The following CACNA1E variants were observed in gnomAD, a reference collection of about 807,000 sequenced individuals.
The protein encoded by CACNA1E is calcium voltage-gated channel subunit alpha1 E.
In CACNA1E, 40 loss-of-function variants were observed where a neutral mutation model predicts 259.2. That is an observed-to-expected ratio of 0.15 (90% CI 0.12 to 0.20). The LOEUF is 0.20. Among genes scored for constraint, CACNA1E ranks in the 10% least tolerant of loss-of-function variants. The probability of loss-of-function intolerance (pLI) is 1.00; values close to 1 mark genes in which losing one functional copy is unlikely to be tolerated. For synonymous variants in CACNA1E, 1,104 were observed against 1,138.5 expected, an observed-to-expected ratio of 0.97 and a Z score of 0.61; for missense variants, 1,874 against 3,040.1, an observed-to-expected ratio of 0.62 and a Z score of 9.02.
intron 6 of CACNA1E, among the ~76,000 whole-genome samples, chr1:181,648,248 AC>A (rs1373169442): frequency 1.3e-5 from 2 of 152,180 alleles, no homozygotes; most frequent in African/African-American, 2.4e-5. Context: ...TGCATGCCAA[AC>A]CCTTTGTTAG....
At chr1:181,575,942 A>G (rs889590275) in intron 3 of CACNA1E, among the ~76,000 whole-genome samples, 8 of 151,454 alleles carry the variant, frequency 5.3e-5, no homozygotes, top group South Asian at 2.1e-4. Flanking sequence ...TTTCAGTTCT[A>G]TTTTCTATGT....
chr1:181,653,815 A>C (rs1197605837), intron 7 of CACNA1E, among the ~76,000 whole-genome samples: 1 of 152,266 alleles, frequency 6.6e-6, no homozygotes, highest in Non-Finnish European at 1.5e-5. Context: ...TTCCAAATAA[A>C]GTAACATTCA....
At chr1:181,638,717 T>TG (rs1657463463) in intron 6 of CACNA1E, among the ~76,000 whole-genome samples, 1 of 152,220 alleles carries the variant, frequency 6.6e-6, no homozygotes, top group Non-Finnish European at 1.5e-5. Context: ...GATTGACTCA[T>TG]GGGGGCAGTT....
intron 1 of CACNA1E, among the ~76,000 whole-genome samples, chr1:181,380,896 G>A (rs1051577727): frequency 6.6e-6 from 1 of 152,146 alleles, no homozygotes; most frequent in East Asian, 1.9e-4. Context: ...GGCTGGGCAC[G>A]GTGGCCCATG....
At chr1:181,416,530 A>G (rs990596243) in intron 2 of CACNA1E, among the ~76,000 whole-genome samples, 4 of 152,100 alleles carry the variant, frequency 2.6e-5, no homozygotes, top group South Asian at 4.1e-4. Flanking sequence ...TCTGGCACTC[A>G]TGTTTCATCA....
At chr1:181,369,677 C>A (rs1321284085) in intron 1 of CACNA1E, among the ~76,000 whole-genome samples, 1 of 152,162 alleles carries the variant, frequency 6.6e-6, no homozygotes, top group Non-Finnish European at 1.5e-5. Context: ...CACAGGAAGA[C>A]CAATGAGTCC....
intron 1 of CACNA1E, among the ~76,000 whole-genome samples, chr1:181,510,268 G>T (rs1032279346): frequency 1.3e-5 from 2 of 152,162 alleles, no homozygotes; most frequent in Non-Finnish European, 2.9e-5. Flanking sequence ...TGTGTTCAGA[G>T]ACCAGGCACA....
chr1:181,492,332 T>C (rs990065312), intron 1 of CACNA1E, among the ~76,000 whole-genome samples: 7 of 152,336 alleles, frequency 4.6e-5, no homozygotes, highest in Admixed American at 6.5e-5. Flanking sequence ...TGCACTTCAT[T>C]GTATTTTGAG....
At chr1:181,739,342 T>C (rs1326774411) in intron 25 of CACNA1E, 89 bp downstream of exon 25, 2 of 879,008 alleles carry the variant, frequency 2.3e-6, no homozygotes, top group African/African-American at 1.7e-5. Context: ...AAATGCAACA[T>C]GCAGGGTGAT....
intron 1 of CACNA1E, among the ~76,000 whole-genome samples, chr1:181,374,699 T>C (rs572412971): frequency 3.3e-4 from 50 of 152,192 alleles, no homozygotes; most frequent in African/African-American, 1.2e-3. Flanking sequence ...ACGCCTGAGC[T>C]CAAGTGATCC....
In CACNA1E at chr1:181,540,143, C is replaced by A. The variant is rs1481024039; in HGVS notation, c.512+28633C>A. Among the ~76,000 whole-genome samples, 4 of 152,106 alleles carry A rather than the reference C, an allele frequency of 2.6e-5. No homozygotes were observed. The East Asian group carries it at 7.7e-4, about 29-fold the overall frequency. On this transcript the variant is annotated intron_variant, in intron 3 of 47. Coordinates refer to ENST00000367573, the MANE Select transcript of CACNA1E (RefSeq NM_001205293.3). The stretch of plus-strand genomic sequence containing the variant: ...GGGAGATGGAGAACCTTCACAAAAT[C>A]CCCCGATGTAAACGCATTTCCTAGA...
chr1:181,569,496 A>T (rs1316321548), intron 3 of CACNA1E, among the ~76,000 whole-genome samples: 1 of 152,270 alleles, frequency 6.6e-6, no homozygotes, highest in Non-Finnish European at 1.5e-5. Context: ...TTTTTAAAAA[A>T]TAAAATGAAG....
At position 181,711,078 on chromosome 1, in the gene CACNA1E, G is replaced by T. The variant is rs765519405; in HGVS notation, c.1171+9G>T. On this transcript the variant is annotated intron_variant, in intron 8 of 47. Coordinates refer to ENST00000367573, the MANE Select transcript of CACNA1E (RefSeq NM_001205293.3). ...CTGGATAGACAAAGCAGGTAGGCCT[G>T]GGGGGCTGCAGGAGGCTGGTGAGTG... is the stretch of plus-strand genomic sequence containing the variant. 6.3e-7 allele frequency: 1 copy of T among 1,591,926 alleles called. No individual in the cohort carries two copies. The highest frequency in any genetic ancestry group is 1.7e-5 in the Admixed American group (1 of 60,004).
Position 181,645,849 on chromosome 1 carries a change from A to G in CACNA1E, c.952-5489A>G, listed in dbSNP as rs540863012. Among the ~76,000 whole-genome samples, 611 of 152,382 alleles carry G rather than the reference A, an allele frequency of 4.0e-3. 1 individual carries two copies. The highest frequency in any genetic ancestry group is 5.9e-3 in the Non-Finnish European group (404 of 68,036). On this transcript the variant is annotated intron_variant, in intron 6 of 47. Coordinates refer to ENST00000367573, the MANE Select transcript of CACNA1E (RefSeq NM_001205293.3). The stretch of plus-strand genomic sequence containing the variant: ...GGCCCATGAATGTGTTGAATAAAAA[A>G]TATGGCATTTCAGCTCCAAGACATG...
chr1:181,592,179 C>T (rs1488663936), intron 6 of CACNA1E, among the ~76,000 whole-genome samples: 1 of 152,200 alleles, frequency 6.6e-6, no homozygotes, highest in African/African-American at 2.4e-5. Flanking sequence ...GCACTCCTTC[C>T]CAGATTCTCC....
At chr1:181,345,277 G>A (rs1467267660) in intron 1 of CACNA1E, among the ~76,000 whole-genome samples, 2 of 152,262 alleles carry the variant, frequency 1.3e-5, no homozygotes, top group Non-Finnish European at 2.9e-5. Context: ...CTATTTGCTT[G>A]TAAAGCCTCC....
rs570790355 is a variant in CACNA1E, at chr1:181,738,232, G to A, written c.3553-135G>A. On this transcript the variant is annotated intron_variant, in intron 23 of 47. Transcript: ENST00000367573. Reference sequence around the variant, plus strand: ...GTCCAGCTAGTGGCTCTAATTCCAAGCCTTTGTTCTGAGGGTGCAGTGGGT... The same window carrying A: ...GTCCAGCTAGTGGCTCTAATTCCAAACCTTTGTTCTGAGGGTGCAGTGGGT... The A allele has an allele frequency of 5.5e-6, 4 of 729,880 alleles. No individual in the cohort carries two copies. The East Asian group carries it at 9.8e-5, about 18-fold the overall frequency. 45.2% of individuals were successfully genotyped at this position (729,880 alleles called of 1,614,324 possible).
Position 181,717,228 on chromosome 1 carries a change from G to T in CACNA1E, c.1451G>T (p.Ser484Ile). ...CAGGTGTTTTACTGGATTGTGCTGA[G>T]CCTTGTGGCACTCAACACTGCCTGT... Reference protein sequence around the residue: ...KSQVFYWIVLSLVALNTACVA... With the variant: ...KSQVFYWIVLILVALNTACVA... Residue 484 changes from serine (S) to isoleucine (I), a missense_variant, in exon 11 of 48, where the codon AGC becomes ATC. Physicochemically the swap from Ser to Ile is moderately radical, Grantham distance 142. This residue lies in a region of CACNA1E where 157 missense variants were observed against 203.5 expected (regional missense o/e 0.77). Transcript: ENST00000367573. 7 of 1,613,980 alleles carry T rather than the reference G, an allele frequency of 4.3e-6. No individual in the cohort carries two copies. Among genetic ancestry groups the T allele is most frequent in the Non-Finnish European group, 5.9e-6 (7 of 1,179,886 alleles).
chr1:181,331,880 C>G (rs1651297158), intron 1 of CACNA1E, among the ~76,000 whole-genome samples: 1 of 152,130 alleles, frequency 6.6e-6, no homozygotes, highest in Admixed American at 6.5e-5. Context: ...TGTCGAAGAT[C>G]AGATAATTAT....
Sources: allele counts gnomAD v4.1 joint callset (sites outside exome capture counted in the v4.1 genomes callset), GRCh38; gene constraint gnomAD v4.1.1; regional missense constraint gnomAD v4.1.1; transcripts MANE v1.5; gene names NCBI Gene and HGNC (gene_info 2026-07-23, HGNC 2026-07-21).